The following UBE2E2 variants were observed in gnomAD, a reference collection of about 807,000 sequenced individuals.
UBE2E2 encodes ubiquitin conjugating enzyme E2 E2.
A neutral mutation model predicts 24.7 loss-of-function variants in UBE2E2; 6 were observed. The observed-to-expected ratio is 0.24, with a 90% CI of 0.13 to 0.48. The LOEUF (loss-of-function observed/expected upper bound fraction) is 0.48, where lower values mean the gene tolerates loss of function less well. UBE2E2 is among the 20% of genes least tolerant of loss of function. The pLI, the probability that UBE2E2 is intolerant of heterozygous loss-of-function variation, is 0.99. For synonymous variants in UBE2E2, 104 were observed against 83.6 expected (o/e 1.24, Z -1.33); for missense variants, 169 against 245.0 (o/e 0.69, Z 2.07).
intron 3 of UBE2E2, among the ~76,000 whole-genome samples, chr3:23,239,623 G>A (rs1049131593): frequency 2.2e-4 from 34 of 152,176 alleles, no homozygotes; most frequent in African/African-American, 7.7e-4. Flanking sequence ...TTGAGTGGAG[G>A]TTGGGAGGTT....
chr3:23,397,821 A>AC (rs1190670231), intron 3 of UBE2E2, among the ~76,000 whole-genome samples: 1 of 152,108 alleles, frequency 6.6e-6, no homozygotes, highest in African/African-American at 2.4e-5. Context: ...ACTCCAGGAG[A>AC]TGCCTGTTTC....
chr3:23,531,382 AT>A (rs1470282968), intron 4 of UBE2E2, among the ~76,000 whole-genome samples: 2 of 152,242 alleles, frequency 1.3e-5, no homozygotes, highest in Non-Finnish European at 2.9e-5. Context: ...AATCAATAAT[AT>A]TCACATCTTA....
At chr3:23,231,104 A>T (rs1000901247) in intron 3 of UBE2E2, among the ~76,000 whole-genome samples, 11 of 152,192 alleles carry the variant, frequency 7.2e-5, no homozygotes, top group African/African-American at 2.7e-4. Context: ...CAGTTATTAG[A>T]TGGGTGATGG....
At chr3:23,259,945 G>A (rs199930406) in intron 3 of UBE2E2, among the ~76,000 whole-genome samples, 1 of 152,164 alleles carries the variant, frequency 6.6e-6, no homozygotes, top group East Asian at 1.9e-4. Flanking sequence ...ATTAAATATA[G>A]TACTAGTCTG....
chr3:23,515,772 C>G (rs10212447), intron 4 of UBE2E2, among the ~76,000 whole-genome samples: 1 of 145,196 alleles, frequency 6.9e-6, no homozygotes, highest in African/African-American at 2.5e-5. Context: ...GCCTGGACAA[C>G]ATAGTGAGAT....
intron 1 of UBE2E2, among the ~76,000 whole-genome samples, chr3:23,206,599 G>T (rs1432858294): frequency 1.3e-5 from 2 of 152,154 alleles, no homozygotes; most frequent in Non-Finnish European, 2.9e-5. Context: ...GCTGGTGGTG[G>T]TGTGTGTGGT....
At chr3:23,319,491 A>C (rs536836065) in intron 3 of UBE2E2, among the ~76,000 whole-genome samples, 12 of 152,188 alleles carry the variant, frequency 7.9e-5, no homozygotes, top group Non-Finnish European at 1.8e-4. Flanking sequence ...GATTTCTTTT[A>C]TTTGTATTAA....
chr3:23,418,202 A>G (rs1386872228), intron 3 of UBE2E2, among the ~76,000 whole-genome samples: 1 of 152,198 alleles, frequency 6.6e-6, no homozygotes, highest in Non-Finnish European at 1.5e-5. Context: ...ACCCGAGGGA[A>G]TCTCCTGGTC....
chr3:23,405,189 T>A (rs1415965599), intron 3 of UBE2E2, among the ~76,000 whole-genome samples: 1 of 152,166 alleles, frequency 6.6e-6, no homozygotes, highest in Non-Finnish European at 1.5e-5. Flanking sequence ...GGTAGACCAT[T>A]GTAGGTTTGA....
At chr3:23,527,830 C>T (rs1695034388) in intron 4 of UBE2E2, among the ~76,000 whole-genome samples, 2 of 152,188 alleles carry the variant, frequency 1.3e-5, no homozygotes, top group South Asian at 4.2e-4. Flanking sequence ...CCACCCCACC[C>T]CACCCCTTAT....
chr3:23,404,515 G>A (rs1355362149), intron 3 of UBE2E2, among the ~76,000 whole-genome samples: 4 of 152,024 alleles, frequency 2.6e-5, no homozygotes, highest in Non-Finnish European at 4.4e-5. Flanking sequence ...GTTCATTTTT[G>A]TTGTTATTTG....
intron 5 of UBE2E2, among the ~76,000 whole-genome samples, chr3:23,582,742 G>C (rs1696512898): frequency 1.3e-5 from 2 of 151,778 alleles, no homozygotes; most frequent in African/African-American, 4.8e-5. Context: ...CTTTTAATGG[G>C]GTTCGTTTTT....
chr3:23,213,031 G>T (rs1292459156), intron 2 of UBE2E2, among the ~76,000 whole-genome samples: 1 of 152,044 alleles, frequency 6.6e-6, no homozygotes, highest in African/African-American at 2.4e-5. Context: ...GTTTTCGCTA[G>T]GTGATTCAAT....
intron 3 of UBE2E2, among the ~76,000 whole-genome samples, chr3:23,324,459 C>T (rs1255541249): frequency 6.6e-6 from 1 of 152,094 alleles, no homozygotes; most frequent in African/African-American, 2.4e-5. Flanking sequence ...TAAACTGGCT[C>T]TTGTGTTTTC....
intron 3 of UBE2E2, among the ~76,000 whole-genome samples, chr3:23,343,313 C>CGGG (rs1432346922): frequency 4.6e-5 from 7 of 151,896 alleles, no homozygotes; most frequent in Admixed American, 6.6e-5. Flanking sequence ...CAGTGGCTCA[C>CGGG]GCGTGTAATC....
intron 4 of UBE2E2, among the ~76,000 whole-genome samples, chr3:23,509,455 C>T (rs1221638314): frequency 2.6e-5 from 4 of 152,210 alleles, no homozygotes; most frequent in African/African-American, 9.6e-5. Flanking sequence ...TTATTTGTGA[C>T]GTTATTTTGT....
intron 3 of UBE2E2, among the ~76,000 whole-genome samples, chr3:23,300,002 CTCT>C (rs1699026444): frequency 6.6e-6 from 1 of 152,054 alleles, no homozygotes; most frequent in Non-Finnish European, 1.5e-5. Flanking sequence ...GGATAGTTAG[CTCT>C]TCTTGTTGAA....
At position 23,330,533 on chromosome 3, in the gene UBE2E2, C is replaced by T. The variant is rs576408694; in HGVS notation, c.227+113221C>T. On this transcript the variant is annotated intron_variant, in intron 3 of 5. Transcript: ENST00000396703. Reference sequence around the variant, plus strand: ...TCCACATTATATATTGAATAGTACACGAATTACAAGGAGGAATGATTTGGG... The same window carrying T: ...TCCACATTATATATTGAATAGTACATGAATTACAAGGAGGAATGATTTGGG... 3.6e-3 allele frequency among the ~76,000 whole-genome samples: 545 copies of T among 152,214 alleles called. 3 individuals are homozygous for T. The highest frequency in any genetic ancestry group is 0.023 in the South Asian group (109 of 4,818).
intron 3 of UBE2E2, among the ~76,000 whole-genome samples, chr3:23,387,330 T>C (rs75954394): frequency 0.1 from 15,716 of 152,268 alleles, 949 homozygotes; most frequent in East Asian, 0.13. Context: ...AAAAGGTGAA[T>C]TGGATTAGAT....
Sources: gnomAD v4.1 joint callset for allele counts (sites outside exome capture counted in the v4.1 genomes callset) on GRCh38, gnomAD v4.1.1 for gene constraint, MANE v1.5 for transcripts, NCBI Gene and HGNC (gene_info 2026-07-23, HGNC 2026-07-21) for gene names.